PRELID2: variants seen among roughly 807,000 people sequenced by gnomAD.
PRELID2 encodes the protein PRELI domain-containing protein 2.
In PRELID2, 25 loss-of-function variants were observed where a neutral mutation model predicts 28.4. That is an observed-to-expected ratio of 0.88 (90% CI 0.64 to 1.23). PRELID2 has a LOEUF of 1.23. Ranked by LOEUF, PRELID2 falls within the 50% of genes most tolerant of loss-of-function variation. The probability of loss-of-function intolerance (pLI) is 0.00; values close to 1 mark genes in which losing one functional copy is unlikely to be tolerated. For synonymous variants in PRELID2, 76 were observed against 71.6 expected (o/e 1.06, Z -0.31); for missense variants, 201 against 214.4 (o/e 0.94, Z 0.39).
rs374401533 is a variant in PRELID2 at position 145,589,549 on chromosome 5, A to T, written n.71-116234T>A. On this transcript the variant is annotated intron_variant and non_coding_transcript_variant, in intron 1 of 2. Coordinates refer to the PRELID2 transcript ENST00000510259. Reference sequence around the variant, plus strand: ...AATAAACTATATTTTATTTCTAGTAAGGCTGAATTTTTTTTCATAAGTTCA... The same window carrying T: ...AATAAACTATATTTTATTTCTAGTATGGCTGAATTTTTTTTCATAAGTTCA... Among the ~76,000 whole-genome samples the T allele has an allele frequency of 6.0e-4, 92 of 152,214 alleles. 2 individuals are homozygous for T. The East Asian group carries it at 8.7e-3, about 14-fold the overall frequency.
intron 1 of PRELID2, among the ~76,000 whole-genome samples, chr5:145,592,905 T>C (rs1217186854): frequency 6.6e-6 from 1 of 152,176 alleles, no homozygotes; most frequent in Non-Finnish European, 1.5e-5. Flanking sequence ...CACCTTCCTA[T>C]TGGAATATAT....
At chr5:145,352,470 C>T in the PRELID2 span, among the ~76,000 whole-genome samples, 5 of 152,080 alleles carry the variant, frequency 3.3e-5, no homozygotes, top group South Asian at 2.1e-4. Flanking sequence ...CACCATGTCC[C>T]GAGGCCCCAT....
At chr5:145,661,415 T>C (rs546160958) in intron 1 of PRELID2, among the ~76,000 whole-genome samples, 3 of 152,238 alleles carry the variant, frequency 2.0e-5, no homozygotes, top group Admixed American at 2.0e-4. Context: ...GATGTGACTT[T>C]ACCCACATGA....
downstream of PRELID2, among the ~76,000 whole-genome samples, chr5:145,752,214 G>T (rs1024328644): frequency 2.6e-5 from 4 of 152,070 alleles, no homozygotes; most frequent in Non-Finnish European, 5.9e-5. Flanking sequence ...AAAAAACATT[G>T]TTAGCATTTA....
chr5:145,533,089 T>C (rs7715894), intron 1 of PRELID2, among the ~76,000 whole-genome samples: 52,248 of 151,916 alleles, frequency 0.34, 10,084 homozygotes, highest in African/African-American at 0.53. Flanking sequence ...GAATGGGTCT[T>C]GACCACATGG....
At chr5:145,375,663 C>G in the PRELID2 span, among the ~76,000 whole-genome samples, 1 of 152,180 alleles carries the variant, frequency 6.6e-6, no homozygotes, top group Non-Finnish European at 1.5e-5. Flanking sequence ...TGTCCCTGAG[C>G]CTCTAGCTGG....
At chr5:145,390,686 T>C in the PRELID2 span, among the ~76,000 whole-genome samples, 1 of 152,144 alleles carries the variant, frequency 6.6e-6, no homozygotes, top group East Asian at 1.9e-4. Flanking sequence ...AACACCGTCA[T>C]CCCTTTCTAA....
intron 1 of PRELID2, among the ~76,000 whole-genome samples, chr5:145,513,149 A>AT (rs942505018): frequency 1.3e-5 from 2 of 152,088 alleles, no homozygotes; most frequent in African/African-American, 4.8e-5. Context: ...TGACGAGTTG[A>AT]TAGAAGTAGG....
At chr5:145,740,739 A>G (rs1346760208) in intron 1 of PRELID2, among the ~76,000 whole-genome samples, 2 of 117,292 alleles carry the variant, frequency 1.7e-5, no homozygotes, top group Non-Finnish European at 3.2e-5. Flanking sequence ...AATATTATAT[A>G]TAAATATATT....
the PRELID2 span, among the ~76,000 whole-genome samples, chr5:145,281,397 G>A: frequency 6.6e-6 from 1 of 152,198 alleles, no homozygotes; most frequent in Non-Finnish European, 1.5e-5. Flanking sequence ...GTGGTCAGAT[G>A]TAGATAGCCC....
chr5:145,371,944 T>C, the PRELID2 span, among the ~76,000 whole-genome samples: 2 of 151,930 alleles, frequency 1.3e-5, no homozygotes, highest in East Asian at 3.9e-4. Flanking sequence ...TTTGTGTCTC[T>C]GTCTCCTTCA....
At chr5:145,408,942 G>T in the PRELID2 span, among the ~76,000 whole-genome samples, 1 of 152,022 alleles carries the variant, frequency 6.6e-6, no homozygotes. Context: ...TCAAGACAAA[G>T]GAAATAATCT....
the PRELID2 span, among the ~76,000 whole-genome samples, chr5:145,354,774 GA>G: frequency 3.9e-5 from 6 of 152,144 alleles, no homozygotes; most frequent in Non-Finnish European, 7.3e-5. Context: ...AATTTTTAAT[GA>G]AATAATGAAT....
chr5:145,403,377 T>C, the PRELID2 span, among the ~76,000 whole-genome samples: 1 of 152,020 alleles, frequency 6.6e-6, no homozygotes, highest in African/African-American at 2.4e-5. Flanking sequence ...ATTTCCTTAT[T>C]AAAAATAATT....
the PRELID2 span, among the ~76,000 whole-genome samples, chr5:145,425,515 T>A: frequency 6.6e-6 from 1 of 152,170 alleles, no homozygotes; most frequent in Non-Finnish European, 1.5e-5. Flanking sequence ...TAAATGCCCA[T>A]CAATGATAGA....
chr5:145,734,368 G>C (rs1356157113), intron 1 of PRELID2, among the ~76,000 whole-genome samples: 3 of 152,176 alleles, frequency 2.0e-5, no homozygotes. Context: ...AAGCCACTAA[G>C]TTTGTGGTGC....
At chr5:145,782,123 AGATGAGGACATTT>A (rs1751677510) in intron 5 of PRELID2, among the ~76,000 whole-genome samples, 1 of 152,182 alleles carries the variant, frequency 6.6e-6, no homozygotes, top group Non-Finnish European at 1.5e-5. Flanking sequence ...AGTGTTTTGA[AGATGAGGACATTT>A]TTCCCTATAG....
the PRELID2 span, among the ~76,000 whole-genome samples, chr5:145,305,341 C>A: frequency 4.6e-5 from 7 of 152,136 alleles, no homozygotes; most frequent in African/African-American, 1.7e-4. Context: ...AGTACCTTGG[C>A]AAGTAGAAAT....
chr5:145,769,352 G>A (rs1757965128), intron 5 of PRELID2, among the ~76,000 whole-genome samples: 1 of 152,046 alleles, frequency 6.6e-6, no homozygotes, highest in Non-Finnish European at 1.5e-5. Context: ...TCCCCACAAA[G>A]GAGTCTCAGA....
Sources: gnomAD v4.1 joint callset for allele counts (sites outside exome capture counted in the v4.1 genomes callset) on GRCh38, gnomAD v4.1.1 for gene constraint, MANE v1.5 for transcripts, NCBI Gene and HGNC (gene_info 2026-07-23, HGNC 2026-07-21) for gene names.